The following HSD17B12 variants were observed in gnomAD, a reference collection of about 807,000 sequenced individuals.
HSD17B12 encodes very-long-chain 3-oxoacyl-CoA reductase.
HSD17B12 carries 32 observed loss-of-function variants against 39.3 expected under a neutral mutation model. That is an observed-to-expected ratio of 0.81 (90% confidence interval 0.61 to 1.09). The LOEUF (loss-of-function observed/expected upper bound fraction) is 1.09. Ranked by LOEUF, HSD17B12 falls within the 50% of genes least tolerant of loss-of-function variation. The pLI is 0.00. For synonymous variants in HSD17B12, 150 were observed against 146.7 expected, an observed-to-expected ratio of 1.02 and a Z score of -0.16; for missense variants, 342 against 382.9, an observed-to-expected ratio of 0.89 and a Z score of 0.89.
At chr11:43,774,703 T>G (rs1326548282) in intron 3 of HSD17B12, among the ~76,000 whole-genome samples, 1 of 152,154 alleles carries the variant, frequency 6.6e-6, no homozygotes, top group Admixed American at 6.5e-5. Context: ...CCCTTTGAGA[T>G]TGGTACTTAT....
chr11:43,689,868 C>T (rs1370206457), intron 1 of HSD17B12, among the ~76,000 whole-genome samples: 1 of 151,976 alleles, frequency 6.6e-6, no homozygotes, highest in East Asian at 1.9e-4. Context: ...CTTTAAACCA[C>T]CTGCTTCCTG....
At chr11:43,620,157 T>C in the HSD17B12 span, among the ~76,000 whole-genome samples, 2 of 152,248 alleles carry the variant, frequency 1.3e-5, no homozygotes, top group African/African-American at 4.8e-5. Flanking sequence ...CCTCTCAATG[T>C]CTGTAAGTTT....
chr11:43,741,765 G>A (rs1287011975), intron 1 of HSD17B12, among the ~76,000 whole-genome samples: 2 of 133,260 alleles, frequency 1.5e-5, no homozygotes, highest in East Asian at 2.1e-4. Flanking sequence ...ACGGGGTCTC[G>A]CTTTGTCGCC....
At chr11:43,693,299 A>T (rs1320168) in intron 1 of HSD17B12, among the ~76,000 whole-genome samples, 76,186 of 152,018 alleles carry the variant, frequency 0.5, 19,535 homozygotes, top group Non-Finnish European at 0.53. Context: ...GTGAGGAGGA[A>T]AAGCAGAGGT....
At chr11:43,561,020 C>T in the HSD17B12 span, among the ~76,000 whole-genome samples, 2 of 152,162 alleles carry the variant, frequency 1.3e-5, no homozygotes, top group African/African-American at 4.8e-5. Flanking sequence ...TTCCTGGTGA[C>T]GCTATCACAG....
intron 4 of HSD17B12, among the ~76,000 whole-genome samples, chr11:43,801,180 T>C (rs953581839): frequency 5.9e-5 from 9 of 152,028 alleles, no homozygotes; most frequent in African/African-American, 2.2e-4. Context: ...ATTTATGTAG[T>C]ATAATGTTCT....
chr11:43,636,212 T>C, the HSD17B12 span, among the ~76,000 whole-genome samples: 3 of 152,360 alleles, frequency 2.0e-5, no homozygotes, highest in Non-Finnish European at 2.9e-5. Flanking sequence ...GTGAGAACTA[T>C]GTTGCACCGT....
At chr11:43,841,904 G>T in intron 9 of HSD17B12, among the ~76,000 whole-genome samples, 1 of 152,172 alleles carries the variant, frequency 6.6e-6, no homozygotes, top group African/African-American at 2.4e-5. Flanking sequence ...TTCAGGTACA[G>T]TGCTAAACAC....
At chr11:43,757,652 A>C (rs1348093338) in intron 3 of HSD17B12, among the ~76,000 whole-genome samples, 1 of 142,270 alleles carries the variant, frequency 7.0e-6, no homozygotes, top group East Asian at 2.1e-4. Flanking sequence ...AAAAAAAAAA[A>C]AAAAAAAAAA....
chr11:43,691,746 C>G (rs1440889627), intron 1 of HSD17B12, among the ~76,000 whole-genome samples: 1 of 152,162 alleles, frequency 6.6e-6, no homozygotes, highest in African/African-American at 2.4e-5. Context: ...CTGATGTCAC[C>G]TCCTTTGCAC....
chr11:43,680,553 C>A (rs1949731208), upstream of HSD17B12: 2 of 482,244 alleles, frequency 4.1e-6, no homozygotes, highest in Admixed American at 3.9e-5. Flanking sequence ...TGAGACAGGG[C>A]GCTCACTGGC....
At chr11:43,788,248 G>C (rs1433290701) in intron 3 of HSD17B12, among the ~76,000 whole-genome samples, 1 of 152,050 alleles carries the variant, frequency 6.6e-6, no homozygotes, top group African/African-American at 2.4e-5. Flanking sequence ...AACAAAGAGA[G>C]AGAAGTAACT....
At chr11:43,786,484 G>C (rs919337355) in intron 3 of HSD17B12, among the ~76,000 whole-genome samples, 1 of 152,104 alleles carries the variant, frequency 6.6e-6, no homozygotes, top group African/African-American at 2.4e-5. Flanking sequence ...ACCCACCATT[G>C]CTTTTCTCAA....
intron 1 of HSD17B12, among the ~76,000 whole-genome samples, chr11:43,682,544 C>CAA (rs55938101): frequency 5.9e-5 from 7 of 118,456 alleles, no homozygotes; most frequent in African/African-American, 2.2e-4. Flanking sequence ...AGACTCATCT[C>CAA]AAAAAAAAAA....
intron 1 of HSD17B12, among the ~76,000 whole-genome samples, chr11:43,727,697 C>T (rs1201823540): frequency 6.6e-6 from 1 of 152,176 alleles, no homozygotes; most frequent in Non-Finnish European, 1.5e-5. Flanking sequence ...ACAACTCCTT[C>T]TCCAAGTATT....
At chr11:43,842,252 A>C (rs909599703) in intron 9 of HSD17B12, among the ~76,000 whole-genome samples, 2 of 152,162 alleles carry the variant, frequency 1.3e-5, no homozygotes, top group Non-Finnish European at 2.9e-5. Context: ...GTAGCTTCTA[A>C]ACCTTTTTAT....
chr11:43,621,226 T>A, the HSD17B12 span, among the ~76,000 whole-genome samples: 1 of 152,246 alleles, frequency 6.6e-6, no homozygotes, highest in Non-Finnish European at 1.5e-5. Flanking sequence ...ATGGAATTGA[T>A]TGAATTGACT....
rs1280476644 is a variant in HSD17B12 at position 43,754,091 on chromosome 11, G to T, written c.253G>T (p.Asp85Tyr). Residue 85 changes from aspartate (D) to tyrosine (Y), a missense_variant, in exon 3 of 11, where the codon GAT (aspartate) becomes TAT (tyrosine). By Grantham distance (160) the Asp-to-Tyr change is radical (BLOSUM62 -3). Coordinates refer to ENST00000278353, the MANE Select transcript of HSD17B12 (RefSeq NM_016142.3). The part of the protein sequence containing the change: ...MKVVLISRSK[D>Y]KLDQVSSEIK... ...GGTTGTCCTTATCAGCAGATCAAAG[G>T]ATAAACTTGACCAGGTTTCCAGTGA... The T allele has an allele frequency of 1.6e-5, 25 of 1,611,892 alleles. No homozygotes were observed. In the Admixed American group the frequency reaches 4.2e-4, roughly 27 times the overall value.
intron 3 of HSD17B12, among the ~76,000 whole-genome samples, chr11:43,769,237 T>C (rs1010375468): frequency 6.6e-6 from 1 of 152,254 alleles, no homozygotes; most frequent in Non-Finnish European, 1.5e-5. Context: ...ACTGCCTCAC[T>C]GCCTTAAATA....
Sources: gnomAD v4.1 joint callset for allele counts (sites outside exome capture counted in the v4.1 genomes callset) on GRCh38, gnomAD v4.1.1 for gene constraint, MANE v1.5 for transcripts, NCBI Gene and HGNC (gene_info 2026-07-23, HGNC 2026-07-21) for gene names.